PLXDC1: variants seen among roughly 807,000 people sequenced by gnomAD.
PLXDC1 encodes plexin domain-containing protein 1.
In PLXDC1, 39 loss-of-function variants were observed where a neutral mutation model predicts 61.3. The ratio of observed to expected loss-of-function variants is 0.64; its 90% confidence interval spans 0.49 to 0.83. PLXDC1 has a LOEUF of 0.83. PLXDC1 is among the 40% of genes least tolerant of loss of function. The probability of loss-of-function intolerance (pLI) is 0.00; values close to 1 mark genes in which losing one functional copy is unlikely to be tolerated. For missense variants in PLXDC1, 596 were observed against 666.5 expected (o/e 0.89, Z 1.17); for synonymous variants, 212 against 254.5 (o/e 0.83, Z 1.59).
chr17:39,144,090 C>T (rs557391843), intron 1 of PLXDC1, among the ~76,000 whole-genome samples: 3 of 152,138 alleles, frequency 2.0e-5, no homozygotes, highest in Admixed American at 6.5e-5. Flanking sequence ...AACCTGGAGC[C>T]GAGACAGGAG....
In PLXDC1 at chr17:39,064,115, C is replaced by T. The variant is rs946152777; in HGVS notation, c.*3725G>A. The T allele has an allele frequency of 6.5e-6, 1 of 153,992 alleles. No individual in the cohort carries two copies. The allele number at this position is 153,992 out of a possible 1,614,324, so 9.5% of individuals were successfully genotyped here. ...TTATTGCTCAAAACATTAAACAAGG[C>T]TGTATACAAACACACACACAAACAT... is the stretch of plus-strand genomic sequence containing the variant. On this transcript the variant is annotated 3_prime_UTR_variant, in exon 14 of 14. Transcript: ENST00000315392.
intron 7 of PLXDC1, among the ~76,000 whole-genome samples, chr17:39,098,379 A>G (rs536675036): frequency 2.0e-5 from 3 of 152,338 alleles, no homozygotes; most frequent in Admixed American, 6.5e-5. Flanking sequence ...ACCTAGAGTC[A>G]CAATAGAGCA....
chr17:39,100,884 G>A (rs375913046), intron 7 of PLXDC1, among the ~76,000 whole-genome samples: 25 of 152,328 alleles, frequency 1.6e-4, no homozygotes, highest in East Asian at 7.7e-4. Context: ...AGGAGGGGTC[G>A]TGGGAGGTAC....
At chr17:39,138,476 G>T (rs539163915) in intron 2 of PLXDC1, among the ~76,000 whole-genome samples, 1 of 152,222 alleles carries the variant, frequency 6.6e-6, no homozygotes, top group African/African-American at 2.4e-5. Flanking sequence ...CAGGGTGAAA[G>T]GTTGCTCAGC....
At chr17:39,103,170 T>A (rs929070487) in intron 7 of PLXDC1, among the ~76,000 whole-genome samples, 7 of 149,876 alleles carry the variant, frequency 4.7e-5, no homozygotes, top group Admixed American at 4.7e-4. Context: ...AGCTGAGATC[T>A]CATCACTGCA....
chr17:39,134,233 G>A (rs554136871), intron 2 of PLXDC1, among the ~76,000 whole-genome samples: 13 of 149,546 alleles, frequency 8.7e-5, no homozygotes, highest in East Asian at 2.0e-4. Context: ...CAGCCTGGGC[G>A]ACAGAGCAAG....
intron 1 of PLXDC1, among the ~76,000 whole-genome samples, chr17:39,140,316 C>CTTTTTCTTTT (rs367716934): frequency 7.3e-5 from 11 of 151,020 alleles, no homozygotes; most frequent in East Asian, 2.0e-4. Flanking sequence ...TTTTCTTTTT[C>CTTTTTCTTTT]TTTTTTTGAA....
intron 7 of PLXDC1, 29 bp from the exon 8 acceptor site, chr17:39,087,731 G>C (rs1909797080): frequency 6.4e-7 from 1 of 1,551,312 alleles, no homozygotes; most frequent in Admixed American, 1.7e-5. Flanking sequence ...CTGTTGTCAG[G>C]AGCATATCAC....
intron 2 of PLXDC1, among the ~76,000 whole-genome samples, chr17:39,138,614 A>G (rs1911830067): frequency 6.6e-6 from 1 of 152,200 alleles, no homozygotes; most frequent in African/African-American, 2.4e-5. Flanking sequence ...AGTAAACTCC[A>G]GAGGAAACAG....
chr17:39,113,741 C>A (rs1331159238), intron 2 of PLXDC1, among the ~76,000 whole-genome samples: 1 of 151,974 alleles, frequency 6.6e-6, no homozygotes, highest in Non-Finnish European at 1.5e-5. Flanking sequence ...GTCCCAGCAA[C>A]TCAGGAGGCT....
chr17:39,106,043 G>T, intron 6 of PLXDC1, 90 bp from the exon 7 acceptor site: 2 of 818,568 alleles, frequency 2.4e-6, no homozygotes, highest in Non-Finnish European at 4.0e-6. Context: ...CATCTTTCTG[G>T]ATGGCACCAC....
chr17:39,128,375 GC>G (rs1299295910), intron 2 of PLXDC1, among the ~76,000 whole-genome samples: 2 of 151,128 alleles, frequency 1.3e-5, no homozygotes, highest in East Asian at 3.9e-4. Flanking sequence ...AAGCCACCAT[GC>G]CCAGCTAATT....
At chr17:39,129,548 CG>C (rs1911466702) in intron 2 of PLXDC1, among the ~76,000 whole-genome samples, 1 of 150,496 alleles carries the variant, frequency 6.6e-6, no homozygotes, top group South Asian at 2.1e-4. Context: ...ACCCGGGAGG[CG>C]GAGGTTGCAG....
At chr17:39,136,756 T>TA (rs1911764675) in intron 2 of PLXDC1, among the ~76,000 whole-genome samples, 3 of 150,318 alleles carry the variant, frequency 2.0e-5, no homozygotes, top group South Asian at 2.1e-4. Context: ...AATCTGAAAA[T>TA]AAAAAAGAGC....
intron 2 of PLXDC1, among the ~76,000 whole-genome samples, chr17:39,117,510 C>T (rs1009216168): frequency 6.6e-6 from 1 of 152,084 alleles, no homozygotes; most frequent in African/African-American, 2.4e-5. Flanking sequence ...GCAGAAACAT[C>T]GCTTGAATCC....
intron 2 of PLXDC1, among the ~76,000 whole-genome samples, chr17:39,124,942 T>A (rs1367985617): frequency 6.6e-6 from 1 of 152,090 alleles, no homozygotes; most frequent in East Asian, 1.9e-4. Context: ...GCCTCTTGAG[T>A]AACTGGGACT....
Position 39,108,981 on chromosome 17 carries a change from G to T in PLXDC1, c.400-8C>A. 1 of 1,608,858 alleles carries T rather than the reference G, an allele frequency of 6.2e-7. No homozygotes were observed. On this transcript the variant is annotated splice_region_variant and splice_polypyrimidine_tract_variant and intron_variant, in intron 3 of 13. Transcript: ENST00000315392. ...AAAGGACAAGACCACTCTCTGCAGGGGATGGGAGAAAGTCAGCACGGGCCA... is the reference window on the plus strand; with the variant it reads ...AAAGGACAAGACCACTCTCTGCAGGTGATGGGAGAAAGTCAGCACGGGCCA...
intron 2 of PLXDC1, among the ~76,000 whole-genome samples, chr17:39,115,526 GC>G: frequency 6.6e-6 from 1 of 152,342 alleles, no homozygotes; most frequent in Middle Eastern, 3.4e-3. Flanking sequence ...GGACAGTGAA[GC>G]CAGGAGCCAT....
intron 2 of PLXDC1, among the ~76,000 whole-genome samples, chr17:39,126,563 A>G (rs1406374306): frequency 3.3e-5 from 5 of 152,216 alleles, no homozygotes; most frequent in Non-Finnish European, 5.9e-5. Context: ...ACAAGTTAGA[A>G]TAATTATTTA....
Sources: gnomAD v4.1 joint callset for allele counts (sites outside exome capture counted in the v4.1 genomes callset) on GRCh38, gnomAD v4.1.1 for gene constraint, MANE v1.5 for transcripts, NCBI Gene and HGNC (gene_info 2026-07-23, HGNC 2026-07-21) for gene names.